HMGCS1: variants seen among roughly 807,000 people sequenced by gnomAD.
The protein encoded by HMGCS1 is hydroxymethylglutaryl-CoA synthase, cytoplasmic.
Under a neutral mutation model 52.3 loss-of-function variants are expected in HMGCS1, and 9 were observed. That is an observed-to-expected ratio of 0.17 (90% CI 0.10 to 0.30). HMGCS1 has a LOEUF of 0.30. Ranked by LOEUF, HMGCS1 falls within the 10% of genes least tolerant of loss-of-function variation. HMGCS1 has a pLI of 1.00. For missense variants in HMGCS1, 320 were observed against 620.9 expected (o/e 0.52, Z 5.15); for synonymous variants, 176 against 214.4 (o/e 0.82, Z 1.57).
Position 43,298,223 on chromosome 5 carries a change from T to C in HMGCS1, c.449-89A>G, listed in dbSNP as rs376326351. The C allele has an allele frequency of 1.0e-5, 12 of 1,166,024 alleles. No homozygotes were observed. The African/African-American group carries it at 1.7e-4, about 16-fold the overall frequency. 72.2% of individuals were successfully genotyped at this position (1,166,024 alleles called of 1,614,324 possible). A position where few individuals can be genotyped will look rare whatever the true frequency, so the allele number is the denominator to read the frequency against. On this transcript the variant is annotated intron_variant, in intron 3 of 10. Coordinates refer to ENST00000325110, the MANE Select transcript of HMGCS1 (RefSeq NM_001098272.3). This position sits in a 1 kb window ranked among gnomAD's most constrained non-coding sequence, Gnocchi z 5.6. ...GAAGTCTGTTATATTTTCCCCAGAA[T>C]ATGCTTTTCCCTTCTTTGATAAAGA...
chr5:43,309,577 T>C (rs182319324), intron 1 of HMGCS1, among the ~76,000 whole-genome samples: 189 of 152,226 alleles, frequency 1.2e-3, no homozygotes, highest in African/African-American at 4.3e-3. Flanking sequence ...TGGAGAGGGA[T>C]GTTAGGTGGG....
At chr5:43,312,865 C>G (rs1326136674) in intron 1 of HMGCS1, among the ~76,000 whole-genome samples, 1 of 152,162 alleles carries the variant, frequency 6.6e-6, no homozygotes, top group Non-Finnish European at 1.5e-5. Context: ...TTTCCATCAA[C>G]TCTATATGTG....
intron 5 of HMGCS1, among the ~76,000 whole-genome samples, chr5:43,296,306 T>G (rs1754029656): frequency 6.6e-6 from 1 of 152,176 alleles, no homozygotes; most frequent in African/African-American, 2.4e-5. Context: ...ACACATACAA[T>G]GTAACATGTA....
chr5:43,302,641 A>G (rs1419243479), intron 2 of HMGCS1, among the ~76,000 whole-genome samples: 1 of 152,230 alleles, frequency 6.6e-6, no homozygotes, highest in Non-Finnish European at 1.5e-5. Flanking sequence ...TTTGCATATG[A>G]CAGTCAACAG....
intron 1 of HMGCS1, among the ~76,000 whole-genome samples, chr5:43,309,214 C>T (rs553279305): frequency 9.1e-4 from 138 of 151,768 alleles, no homozygotes; most frequent in Non-Finnish European, 1.5e-3. Context: ...TCTGCCTTTC[C>T]TTGCACTGCC....
intron 2 of HMGCS1, among the ~76,000 whole-genome samples, chr5:43,299,778 G>A (rs2111681959): frequency 6.6e-6 from 1 of 152,148 alleles, no homozygotes; most frequent in South Asian, 2.1e-4. Flanking sequence ...CTTACCAATA[G>A]CAACAAAAAT....
rs567143410 is a variant in HMGCS1, at chr5:43,295,730, A to C, written c.905+22T>G. 4 of 1,578,012 alleles carry C rather than the reference A, an allele frequency of 2.5e-6. No individual in the cohort carries two copies. In the Admixed American group the frequency reaches 5.3e-5, roughly 21 times the overall value. On this transcript the variant is annotated intron_variant, in intron 6 of 10. Transcript: ENST00000325110. The stretch of plus-strand genomic sequence containing the variant: ...AAAATGCTCTAATATAGAAGGAAAA[A>C]ACTCATAATAGCTCCTCTTACCCAA...
chr5:43,292,553 G>A lies in HMGCS1; in HGVS notation c.1394C>T (p.Thr465Ile). ...ATTTGGAGTGGGACGCCGAGCGTAA[G>A]TTCTTCTGTGCTTTTCATCCACCCT... Reference protein sequence around the residue: ...LVRVDEKHRRTYARRPTPNDD... With the variant: ...LVRVDEKHRRIYARRPTPNDD... The change falls in exon 10 of 11, where the codon ACT becomes ATT. Residue 465 changes from threonine to isoleucine, a missense_variant. Physicochemically the swap from Thr to Ile is moderately conservative, Grantham distance 89. Transcript: ENST00000325110. 3 of 1,613,964 alleles carry A rather than the reference G, an allele frequency of 1.9e-6. No individual in the cohort carries two copies. Among genetic ancestry groups the A allele is most frequent in the Non-Finnish European group, 2.5e-6 (3 of 1,179,876 alleles).
At chr5:43,292,044 G>A (rs1412833691) in intron 10 of HMGCS1, among the ~76,000 whole-genome samples, 2 of 138,734 alleles carry the variant, frequency 1.4e-5, no homozygotes, top group South Asian at 4.5e-4. Context: ...CCAGGCTGGA[G>A]TGCAGTGGTG....
Position 43,293,721 on chromosome 5 carries a change from T to TTC in HMGCS1, c.1183+334_1183+335insGA. The TTC allele has an allele frequency of 1.7e-5, 3 of 172,912 alleles. No individual in the cohort carries two copies. In the East Asian group the frequency reaches 4.9e-4, roughly 28 times the overall value. The allele number at this position is 172,912 out of a possible 1,614,324, so 10.7% of individuals were successfully genotyped here. A position where few individuals can be genotyped will look rare whatever the true frequency, so the allele number is the denominator to read the frequency against. ...CCAGAGTAGTTCTCAATACATTTTT[T>TTC]TTTTTTTTTTTTGACAGAGTCTCGC... On this transcript the variant is annotated intron_variant, in intron 8 of 10. Transcript: ENST00000325110.
At chr5:43,301,791 A>C (rs11739665) in intron 2 of HMGCS1, among the ~76,000 whole-genome samples, 68,612 of 152,048 alleles carry the variant, frequency 0.45, 16,233 homozygotes, top group Middle Eastern at 0.61. Context: ...AGCCTCCAAA[A>C]ACATGGAAAA....
chr5:43,297,672 T>C (rs773056267), intron 4 of HMGCS1, among the ~76,000 whole-genome samples: 1 of 151,856 alleles, frequency 6.6e-6, no homozygotes, highest in Non-Finnish European at 1.5e-5. Context: ...GAAACCCTGT[T>C]ACTAAAAATA....
intron 10 of HMGCS1, among the ~76,000 whole-genome samples, chr5:43,291,663 C>T (rs1035272188): frequency 1.3e-5 from 2 of 152,110 alleles, no homozygotes; most frequent in Non-Finnish European, 2.9e-5. Context: ...TAATCCTGGG[C>T]AAGTAATGTA....
intron 2 of HMGCS1, among the ~76,000 whole-genome samples, chr5:43,302,893 GGTATT>G (rs1754389704): frequency 6.6e-6 from 1 of 152,152 alleles, no homozygotes. Flanking sequence ...GAAAATTACA[GGTATT>G]AACAACTCTG....
chr5:43,290,716 A>G lies in HMGCS1; in HGVS notation c.*415T>C, dbSNP rs1368777712. On this transcript the variant is annotated 3_prime_UTR_variant, in exon 11 of 11. Transcript: ENST00000325110. The stretch of plus-strand genomic sequence containing the variant: ...GAAATGTTTTCCAAAAACCACAGGT[A>G]CTTTCTGTAATCTTGTTGTTCAAAG... 6.4e-6 allele frequency: 1 copy of G among 155,062 alleles called. No individual in the cohort carries two copies. Among genetic ancestry groups the G allele is most frequent in the African/African-American group, 2.4e-5 (1 of 41,542 alleles). 9.6% of individuals were successfully genotyped at this position (155,062 alleles called of 1,614,324 possible). A position where few individuals can be genotyped will look rare whatever the true frequency, so the allele number is the denominator to read the frequency against.
intron 8 of HMGCS1, among the ~76,000 whole-genome samples, chr5:43,293,304 G>C (rs1002877824): frequency 1.5e-4 from 23 of 151,964 alleles, no homozygotes; most frequent in African/African-American, 5.3e-4. Flanking sequence ...TGTTGCTCAG[G>C]TTGGCCTTGA....
chr5:43,301,244 T>C (rs563942491), intron 2 of HMGCS1, among the ~76,000 whole-genome samples: 1 of 152,296 alleles, frequency 6.6e-6, no homozygotes, highest in African/African-American at 2.4e-5. Context: ...TACTTGTCTA[T>C]TGGAATGAAA....
At chr5:43,291,371 G>A in intron 10 of HMGCS1, 151 bp from the exon 11 acceptor site, 1 of 580,026 alleles carries the variant, frequency 1.7e-6, no homozygotes. Context: ...TTTTCATGAA[G>A]GGAACTCAAT....
chr5:43,309,452 C>T (rs141770077), intron 1 of HMGCS1, among the ~76,000 whole-genome samples: 569 of 152,208 alleles, frequency 3.7e-3, no homozygotes, highest in African/African-American at 0.013. Context: ...CTTTCCCAGG[C>T]TGTTCTCCAA....
Sources: allele counts gnomAD v4.1 joint callset (sites outside exome capture counted in the v4.1 genomes callset), GRCh38; gene constraint gnomAD v4.1.1; non-coding constraint Gnocchi (gnomAD v3.1); transcripts MANE v1.5; gene names NCBI Gene and HGNC (gene_info 2026-07-23, HGNC 2026-07-21).